Variants in NPHP1 observed in about 807,000 individuals in gnomAD.
The protein encoded by NPHP1 is nephrocystin 1, also known as nephrocystin-1.
Under a neutral mutation model 90.4 loss-of-function variants are expected in NPHP1, and 70 were observed. That is an observed-to-expected ratio of 0.77 (90% CI 0.64 to 0.95). The LOEUF (loss-of-function observed/expected upper bound fraction) is 0.95, where lower values mean the gene tolerates loss of function less well. NPHP1 is among the 40% of genes least tolerant of loss of function. The pLI is 0.00. For synonymous variants in NPHP1, 256 were observed against 271.7 expected, an observed-to-expected ratio of 0.94 and a Z score of 0.57; for missense variants, 764 against 795.9, an observed-to-expected ratio of 0.96 and a Z score of 0.48.
At chr2:110,201,846 C>T (rs1200492283) in intron 1 of NPHP1, among the ~76,000 whole-genome samples, 4 of 152,076 alleles carry the variant, frequency 2.6e-5, no homozygotes, top group Non-Finnish European at 4.4e-5. Context: ...TGCTGAGTTT[C>T]GACAAATGCA....
At chr2:110,133,040 AAAGT>A (rs374266901) in intron 16 of NPHP1, among the ~76,000 whole-genome samples, 308 of 152,286 alleles carry the variant, frequency 2.0e-3, no homozygotes, top group African/African-American at 7.3e-3. Flanking sequence ...TAAAATGGCA[AAAGT>A]AAGTCCTTCT....
intron 2 of NPHP1, among the ~76,000 whole-genome samples, chr2:110,192,054 GGA>G (rs1207419671): frequency 6.6e-6 from 1 of 151,974 alleles, no homozygotes; most frequent in Non-Finnish European, 1.5e-5. Context: ...ACAGAGATGG[GGA>G]AAAAACAGAG....
intron 16 of NPHP1, among the ~76,000 whole-genome samples, chr2:110,137,870 G>A (rs1680322061): frequency 6.6e-6 from 1 of 150,996 alleles, no homozygotes; most frequent in Non-Finnish European, 1.5e-5. Context: ...AAAGACACAT[G>A]CACACGTATG....
chr2:110,149,732 CT>C (rs1240408705), intron 12 of NPHP1, among the ~76,000 whole-genome samples: 1 of 152,166 alleles, frequency 6.6e-6, no homozygotes, highest in African/African-American at 2.4e-5. Context: ...ACGAAGACAT[CT>C]TTGTCCTCCC....
intron 18 of NPHP1, chr2:110,126,703 A>G (rs1679395552): frequency 6.5e-6 from 1 of 152,672 alleles, no homozygotes; most frequent in Non-Finnish European, 1.5e-5. Context: ...AGTAAACTCT[A>G]GGAGGCTCAC....
chr2:110,192,888 T>C (rs1466595034), intron 2 of NPHP1, among the ~76,000 whole-genome samples: 2 of 152,082 alleles, frequency 1.3e-5, no homozygotes, highest in Non-Finnish European at 2.9e-5. Flanking sequence ...AACCCCGAAT[T>C]TCATATCCAG....
At position 110,189,189 on chromosome 2, in the gene NPHP1, A is replaced by C. The variant is rs527237798; in HGVS notation, c.144-9505T>G. On this transcript the variant is annotated intron_variant, in intron 2 of 19. Coordinates refer to ENST00000445609, the MANE Select transcript of NPHP1 (RefSeq NM_001128178.3). ...CTAAAGAACTTTTGCACAGCAAAAG[A>C]AACTATTGTGTCCAGAATTGGTGGG... is the stretch of plus-strand genomic sequence containing the variant. 6.6e-4 allele frequency among the ~76,000 whole-genome samples: 100 copies of C among 152,318 alleles called. No homozygotes were observed. In the South Asian group the frequency reaches 0.011, roughly 17 times the overall value.
intron 16 of NPHP1, among the ~76,000 whole-genome samples, chr2:110,134,802 C>A (rs1680045755): frequency 6.6e-6 from 1 of 151,900 alleles, no homozygotes; most frequent in African/African-American, 2.4e-5. Context: ...TAAAAACACT[C>A]AACAAACTAG....
intron 11 of NPHP1, among the ~76,000 whole-genome samples, chr2:110,152,628 G>T (rs1370500336): frequency 2.0e-5 from 3 of 147,098 alleles, no homozygotes; most frequent in Non-Finnish European, 4.5e-5. Flanking sequence ...GGTTGCCCCT[G>T]CTTCTCATAA....
At chr2:110,149,099 G>A (rs1277689384) in intron 12 of NPHP1, among the ~76,000 whole-genome samples, 2 of 152,184 alleles carry the variant, frequency 1.3e-5, no homozygotes, top group Non-Finnish European at 2.9e-5. Context: ...GTACGTAAGA[G>A]CCTGGCACAG....
Position 110,123,698 on chromosome 2 carries a change from G to A in NPHP1, c.*93C>T. 1 of 1,283,220 alleles carries A rather than the reference G, an allele frequency of 7.8e-7. No individual in the cohort carries two copies. Among genetic ancestry groups the A allele is most frequent in the Non-Finnish European group, 1.1e-6 (1 of 886,158 alleles). The allele number at this position is 1,283,220 out of a possible 1,614,324, so 79.5% of individuals were successfully genotyped here. A position where few individuals can be genotyped will look rare whatever the true frequency, so the allele number is the denominator to read the frequency against. On this transcript the variant is annotated 3_prime_UTR_variant, in exon 20 of 20. Transcript: ENST00000445609. ...AAAAGAGTAAAACCTAAGTTGTAAA[G>A]TGACAGTGATTTTTGGTTCCATCAT... is the stretch of plus-strand genomic sequence containing the variant.
intron 4 of NPHP1, among the ~76,000 whole-genome samples, chr2:110,171,856 G>C (rs1401326164): frequency 6.6e-6 from 1 of 152,070 alleles, no homozygotes; most frequent in Admixed American, 6.5e-5. Context: ...GTGTTCATGA[G>C]GGCCTTGCAA....
At chr2:110,139,231 A>G (rs1216081894) in intron 16 of NPHP1, among the ~76,000 whole-genome samples, 2 of 151,580 alleles carry the variant, frequency 1.3e-5, no homozygotes, top group Non-Finnish European at 2.9e-5. Flanking sequence ...ACACACACAC[A>G]CGCAACCTAC....
intron 16 of NPHP1, among the ~76,000 whole-genome samples, chr2:110,137,747 C>T (rs1274875212): frequency 1.3e-5 from 2 of 151,134 alleles, no homozygotes; most frequent in African/African-American, 4.9e-5. Context: ...CTAGTTCAAC[C>T]ATTGTGGAAG....
At chr2:110,145,978 T>C (rs1316212836) in intron 14 of NPHP1, among the ~76,000 whole-genome samples, 1 of 152,156 alleles carries the variant, frequency 6.6e-6, no homozygotes, top group Non-Finnish European at 1.5e-5. Context: ...CAACAAGCCT[T>C]TGGAGTAGGA....
At chr2:110,149,615 A>G (rs1240706512) in intron 12 of NPHP1, among the ~76,000 whole-genome samples, 1 of 152,212 alleles carries the variant, frequency 6.6e-6, no homozygotes, top group African/African-American at 2.4e-5. Context: ...GCAGTTATAC[A>G]AGGGAGTTAG....
At chr2:110,124,384 T>C in intron 19 of NPHP1, 1 of 417,660 alleles carries the variant, frequency 2.4e-6, no homozygotes, top group Non-Finnish European at 4.5e-6. Flanking sequence ...GACACCAGTG[T>C]GGTTAGGGGT....
intron 17 of NPHP1, among the ~76,000 whole-genome samples, chr2:110,131,443 A>G (rs187378794): frequency 1.7e-4 from 26 of 152,332 alleles, no homozygotes; most frequent in Admixed American, 1.4e-3. Context: ...TCAAAACTCT[A>G]GAATTTGAAA....
intron 2 of NPHP1, among the ~76,000 whole-genome samples, chr2:110,198,578 G>A (rs1395410917): frequency 6.6e-6 from 1 of 151,952 alleles, no homozygotes; most frequent in Non-Finnish European, 1.5e-5. Flanking sequence ...CTTACCAGGG[G>A]ATTCTTCCCT....
Sources: gnomAD v4.1 joint callset for allele counts (sites outside exome capture counted in the v4.1 genomes callset) on GRCh38, gnomAD v4.1.1 for gene constraint, MANE v1.5 for transcripts, NCBI Gene and HGNC (gene_info 2026-07-23, HGNC 2026-07-21) for gene names.